Variants in ACTN1 observed in about 807,000 individuals in gnomAD.
ACTN1 encodes actinin alpha 1.
ACTN1 carries 30 observed loss-of-function variants against 119.6 expected under a neutral mutation model. That is an observed-to-expected ratio of 0.25 (90% CI 0.19 to 0.34). The LOEUF (loss-of-function observed/expected upper bound fraction) is 0.34. Among genes scored for constraint, ACTN1 ranks in the 10% least tolerant of loss-of-function variants. ACTN1 has a pLI of 1.00. For missense variants in ACTN1, 764 were observed against 1,223.4 expected (o/e 0.62, Z 5.60); for synonymous variants, 429 against 472.6 (o/e 0.91, Z 1.20).
chr14:68,967,019 G>C (rs2036728870), intron 1 of ACTN1, among the ~76,000 whole-genome samples: 1 of 152,340 alleles, frequency 6.6e-6, no homozygotes, highest in African/African-American at 2.4e-5. Context: ...GGAGGTCTGT[G>C]CCAGTTCCAA....
chr14:68,918,517 C>G (rs1342340701), intron 3 of ACTN1, among the ~76,000 whole-genome samples: 1 of 170 alleles, frequency 5.9e-3, no homozygotes, highest in South Asian at 0.17. Context: ...AACTGGGAGG[C>G]GGACTTGCAG....
intron 11 of ACTN1, chr14:68,887,462 T>C: frequency 9.8e-7 from 1 of 1,020,278 alleles, no homozygotes; most frequent in South Asian, 1.4e-5. Flanking sequence ...CCATTTAATA[T>C]GCTTTGTATT....
At chr14:68,884,932 G>A in intron 12 of ACTN1, 49 bp from the exon 13 acceptor site, 2 of 1,456,350 alleles carry the variant, frequency 1.4e-6, no homozygotes, top group Non-Finnish European at 9.6e-7. Flanking sequence ...TTAATTTCAT[G>A]GCCCATCTCC....
At chr14:68,907,745 C>T (rs1382548852) in intron 6 of ACTN1, among the ~76,000 whole-genome samples, 2 of 152,126 alleles carry the variant, frequency 1.3e-5, no homozygotes, top group East Asian at 1.9e-4. Context: ...GCTTCCAAAT[C>T]CTTCAGAATA....
Position 68,884,860 on chromosome 14 carries a change from G to C in ACTN1, c.1409C>G (p.Pro470Arg). Residue 470 changes from proline (P) to arginine (R), a missense_variant, in exon 13 of 22, where the codon CCC becomes CGC. Physicochemically the swap from Pro to Arg is moderately radical, Grantham distance 103 (BLOSUM62 -2). Around this residue, in one of 4 missense-constraint regions of ACTN1, gnomAD observed 544 missense variants for 912.0 expected, o/e 0.60. Transcript: ENST00000394419. ...CTTTTGGCAACGGGCGTTGACACTG[G>C]GTGAGTCATAATAGTCCAGCTCACT... ...ELNELDYYDSPSVNARCQKIC... is the reference protein window; with the variant it reads ...ELNELDYYDSRSVNARCQKIC... The C allele has an allele frequency of 6.2e-7, 1 of 1,614,106 alleles. No homozygotes were observed. The highest frequency in any genetic ancestry group is 8.5e-7 in the Non-Finnish European group (1 of 1,179,924).
intron 1 of ACTN1, among the ~76,000 whole-genome samples, chr14:68,941,461 C>T (rs368073705): frequency 6.6e-6 from 1 of 152,136 alleles, no homozygotes; most frequent in Non-Finnish European, 1.5e-5. Context: ...TGGCTAAGAA[C>T]GGATTTGGGC....
chr14:68,952,329 G>A (rs191158423), intron 1 of ACTN1, among the ~76,000 whole-genome samples: 2 of 152,350 alleles, frequency 1.3e-5, no homozygotes, highest in Non-Finnish European at 2.9e-5. Context: ...GGGACCCTGC[G>A]GGCTGCAGAC....
At position 68,928,518 on chromosome 14, in the gene ACTN1, G is replaced by C. The variant is rs181744630; in HGVS notation, c.106-2846C>G. Among the ~76,000 whole-genome samples the C allele has an allele frequency of 3.3e-5, 5 of 152,150 alleles. No homozygotes were observed. In the East Asian group the frequency reaches 9.6e-4, roughly 29 times the overall value. On this transcript the variant is annotated intron_variant, in intron 1 of 21. Coordinates refer to ENST00000394419, the MANE Select transcript of ACTN1 (RefSeq NM_001130004.2). ...TGATCAACAACATGCACTTCGGGAC[G>C]CATCAGAGCTGGATTCAGTTCTCAG...
At chr14:68,927,519 T>A (rs955068340) in intron 1 of ACTN1, among the ~76,000 whole-genome samples, 1 of 151,996 alleles carries the variant, frequency 6.6e-6, no homozygotes, top group African/African-American at 2.4e-5. Context: ...AAGGAACAAG[T>A]GGGGAACTGG....
At chr14:68,951,849 G>A (rs999881446) in intron 1 of ACTN1, among the ~76,000 whole-genome samples, 4 of 152,160 alleles carry the variant, frequency 2.6e-5, no homozygotes, top group East Asian at 1.9e-4. Flanking sequence ...TCATTCGTTC[G>A]TTCATTCATT....
rs556825939 is a variant in ACTN1, at chr14:68,902,148, C to T, written c.762+329G>A. 9.0e-4 allele frequency among the ~76,000 whole-genome samples: 137 copies of T among 152,284 alleles called. 1 individual carries two copies. The highest frequency in any genetic ancestry group is 3.4e-3 in the Middle Eastern group (1 of 294). On this transcript the variant is annotated intron_variant, in intron 8 of 21. Transcript: ENST00000394419. ...AACAGACGTGGGCATGGAAGGGCTG[C>T]TCCTGTTCACCTTTCAGTAGCCTTC...
chr14:68,953,347 C>A (rs964684240), intron 1 of ACTN1, among the ~76,000 whole-genome samples: 1 of 152,194 alleles, frequency 6.6e-6, no homozygotes, highest in African/African-American at 2.4e-5. Context: ...ACTCCCTACC[C>A]TCAGCCTCCA....
Position 68,880,028 on chromosome 14 carries a change from C to T in ACTN1, c.2214G>A (p.Arg738=). Residue 738 remains arginine, a synonymous_variant, in exon 18 of 22, where the codon CGG becomes CGA. Coordinates refer to ENST00000394419, the MANE Select transcript of ACTN1 (RefSeq NM_001130004.2). The surrounding 1 kb of genome is among the most constrained non-coding windows in gnomAD (Gnocchi z 4.6). The part of the protein sequence containing the change: ...INEVENQILT[R]DAKGISQEQM... Reference sequence around the variant, plus strand: ...GCTCCTGGCTGATGCCCTTGGCATCCCGGGTCAGGATCTGGTTCTCTACCT... The same window carrying T: ...GCTCCTGGCTGATGCCCTTGGCATCTCGGGTCAGGATCTGGTTCTCTACCT... 1 of 1,614,160 alleles carries T rather than the reference C, an allele frequency of 6.2e-7. No homozygotes were observed. Among genetic ancestry groups the T allele is most frequent in the Non-Finnish European group, 8.5e-7 (1 of 1,179,994 alleles).
chr14:68,936,741 T>C (rs2035539462), intron 1 of ACTN1: 1 of 628,544 alleles, frequency 1.6e-6, no homozygotes, highest in South Asian at 1.4e-5. Flanking sequence ...CCTTGGCCAG[T>C]TTCTGGTGCT....
At position 68,882,370 on chromosome 14, in the gene ACTN1, C is replaced by A; in HGVS notation, c.1953+88G>T. On this transcript the variant is annotated intron_variant, in intron 16 of 21. Coordinates refer to ENST00000394419, the MANE Select transcript of ACTN1 (RefSeq NM_001130004.2). The surrounding 1 kb of genome is among the most constrained non-coding windows in gnomAD (Gnocchi z 4.5). ...GGGCCTCAGTCCTCCATGGGTCCCACCCAGGGAGACAGGCAGCCTGGCTGG... is the reference window on the plus strand; with the variant it reads ...GGGCCTCAGTCCTCCATGGGTCCCAACCAGGGAGACAGGCAGCCTGGCTGG... The A allele has an allele frequency of 6.4e-7, 1 of 1,558,482 alleles. No individual in the cohort carries two copies. Among genetic ancestry groups the A allele is most frequent in the East Asian group, 2.3e-5 (1 of 44,388 alleles).
At chr14:68,958,975 C>T (rs1944424992) in intron 1 of ACTN1, among the ~76,000 whole-genome samples, 1 of 152,202 alleles carries the variant, frequency 6.6e-6, no homozygotes, top group Non-Finnish European at 1.5e-5. Flanking sequence ...GCAGCTTTGC[C>T]CTTCACATGC....
intron 1 of ACTN1, among the ~76,000 whole-genome samples, chr14:68,965,959 C>A (rs1243479718): frequency 6.6e-6 from 1 of 152,190 alleles, no homozygotes; most frequent in African/African-American, 2.4e-5. Context: ...TGGTTCATGC[C>A]TGTAATCCCA....
At position 68,882,873 on chromosome 14, in the gene ACTN1, G is replaced by A. The variant is rs1377316508; in HGVS notation, c.1818C>T (p.His606=). 4.3e-6 allele frequency: 7 copies of A among 1,613,866 alleles called. No homozygotes were observed. Among genetic ancestry groups the A allele is most frequent in the African/African-American group, 1.3e-5 (1 of 74,926 alleles). ...GCTCGGCCCATGCCCTTCAACTCACGTGGTCCCATTTGCCATTGATCTCCT... is the reference window on the plus strand; with the variant it reads ...GCTCGGCCCATGCCCTTCAACTCACATGGTCCCATTTGCCATTGATCTCCT... ...TPQEINGKWD[H]VRQLVPRRDQ... is the part of the protein sequence containing the mutation. Residue 606 remains histidine, a splice_region_variant and synonymous_variant, in exon 15 of 22, where the codon CAC becomes CAT. Transcript: ENST00000394419. This position sits in a 1 kb window ranked among gnomAD's most constrained non-coding sequence, Gnocchi z 4.5.
At chr14:68,900,302 T>A (rs993530167) in intron 8 of ACTN1, among the ~76,000 whole-genome samples, 4 of 151,928 alleles carry the variant, frequency 2.6e-5, no homozygotes, top group African/African-American at 9.7e-5. Context: ...AATATTCAAA[T>A]CTCCATTGTC....
Sources: gnomAD v4.1 joint callset for allele counts (sites outside exome capture counted in the v4.1 genomes callset) on GRCh38, gnomAD v4.1.1 for gene constraint, gnomAD v4.1.1 regional missense constraint, Gnocchi (gnomAD v3.1) non-coding constraint, MANE v1.5 for transcripts, NCBI Gene and HGNC (gene_info 2026-07-23, HGNC 2026-07-21) for gene names.